The following AKAP6 variants were observed in gnomAD, a reference collection of about 807,000 sequenced individuals.
AKAP6 encodes A-kinase anchoring protein 6.
In AKAP6, 58 loss-of-function variants were observed where a neutral mutation model predicts 188.5. The observed-to-expected ratio is 0.31, with a 90% CI of 0.25 to 0.38. The LOEUF is 0.38. Ranked by LOEUF, AKAP6 falls within the 10% of genes least tolerant of loss-of-function variation. The pLI, the probability that AKAP6 is intolerant of heterozygous loss-of-function variation, is 1.00. For synonymous variants in AKAP6, 989 were observed against 998.6 expected, an observed-to-expected ratio of 0.99 and a Z score of 0.18; for missense variants, 2,710 against 2,740.0, an observed-to-expected ratio of 0.99 and a Z score of 0.24.
At chr14:32,738,770 C>T (rs2031547948) in intron 11 of AKAP6, among the ~76,000 whole-genome samples, 2 of 152,068 alleles carry the variant, frequency 1.3e-5, no homozygotes, top group African/African-American at 4.8e-5. Flanking sequence ...TACTTTAAAT[C>T]AGGGGTTGAC....
At chr14:32,334,514 G>A (rs974062880) in intron 1 of AKAP6, among the ~76,000 whole-genome samples, 1 of 152,094 alleles carries the variant, frequency 6.6e-6, no homozygotes, top group Non-Finnish European at 1.5e-5. Flanking sequence ...CTGGCATATT[G>A]TTACAATTGT....
At chr14:32,377,676 T>G (rs1385414625) in intron 1 of AKAP6, among the ~76,000 whole-genome samples, 1 of 152,174 alleles carries the variant, frequency 6.6e-6, no homozygotes, top group African/African-American at 2.4e-5. Context: ...CAAGTTTCAT[T>G]TGACTATTTG....
chr14:32,380,566 C>G (rs775416241), intron 1 of AKAP6, among the ~76,000 whole-genome samples: 2 of 152,222 alleles, frequency 1.3e-5, no homozygotes, highest in African/African-American at 4.8e-5. Flanking sequence ...GTCGGTGGTT[C>G]AGACATTAGT....
intron 12 of AKAP6, among the ~76,000 whole-genome samples, chr14:32,811,602 C>G (rs986662224): frequency 6.6e-6 from 1 of 152,138 alleles, no homozygotes; most frequent in Non-Finnish European, 1.5e-5. Context: ...ACTGAGCCCT[C>G]TCACGTATGG....
intron 12 of AKAP6, among the ~76,000 whole-genome samples, chr14:32,795,386 A>G (rs2033735655): frequency 1.3e-5 from 2 of 152,206 alleles, no homozygotes; most frequent in East Asian, 1.9e-4. Flanking sequence ...AAAATCCTCA[A>G]TAAACTACTG....
At chr14:32,352,060 CTT>C (rs1887290817) in intron 1 of AKAP6, among the ~76,000 whole-genome samples, 1 of 145,818 alleles carries the variant, frequency 6.9e-6, no homozygotes, top group Non-Finnish European at 1.5e-5. Flanking sequence ...TTTGTGTAGT[CTT>C]GGGAGACCCT....
intron 1 of AKAP6, among the ~76,000 whole-genome samples, chr14:32,342,809 A>G (rs1333843308): frequency 6.6e-6 from 1 of 152,150 alleles, no homozygotes; most frequent in Admixed American, 6.5e-5. Flanking sequence ...GTCTGATCGG[A>G]GAATTCTCCA....
chr14:32,396,965 A>G (rs543674813), intron 1 of AKAP6, among the ~76,000 whole-genome samples: 64 of 152,284 alleles, frequency 4.2e-4, no homozygotes, highest in African/African-American at 1.5e-3. Flanking sequence ...ACACTTCTCT[A>G]ATGTTGAATA....
At chr14:32,581,614 A>G (rs1219017830) in intron 5 of AKAP6, among the ~76,000 whole-genome samples, 1 of 151,998 alleles carries the variant, frequency 6.6e-6, no homozygotes, top group Non-Finnish European at 1.5e-5. Context: ...TCCCATTATT[A>G]TTGTGTGGGA....
chr14:32,655,788 A>G (rs911054200), intron 7 of AKAP6, among the ~76,000 whole-genome samples: 11 of 152,168 alleles, frequency 7.2e-5, no homozygotes, highest in African/African-American at 2.7e-4. Flanking sequence ...AATGAGAGAT[A>G]AAATTTTAAA....
chr14:32,537,366 T>C (rs1042365209), intron 3 of AKAP6, among the ~76,000 whole-genome samples: 22 of 152,174 alleles, frequency 1.4e-4, no homozygotes, highest in African/African-American at 5.3e-4. Flanking sequence ...GTTAGATCCC[T>C]AGAGGGTTCT....
chr14:32,765,070 G>A (rs1301165184), intron 11 of AKAP6, among the ~76,000 whole-genome samples: 1 of 151,726 alleles, frequency 6.6e-6, no homozygotes, highest in Non-Finnish European at 1.5e-5. Flanking sequence ...GAGTAGCTGG[G>A]ATTACAGGTA....
intron 12 of AKAP6, among the ~76,000 whole-genome samples, chr14:32,808,675 T>G (rs2034149269): frequency 6.6e-6 from 1 of 152,172 alleles, no homozygotes; most frequent in South Asian, 2.1e-4. Context: ...CAAAAGCAAT[T>G]CTTCCGTTTT....
chr14:32,707,412 G>T (rs1890853810), intron 9 of AKAP6, among the ~76,000 whole-genome samples: 1 of 152,002 alleles, frequency 6.6e-6, no homozygotes, highest in South Asian at 2.1e-4. Flanking sequence ...GTACTCAAAA[G>T]TGCCTCCCTG....
intron 1 of AKAP6, among the ~76,000 whole-genome samples, chr14:32,413,124 A>T (rs1003568706): frequency 4.0e-5 from 6 of 151,626 alleles, no homozygotes; most frequent in Non-Finnish European, 8.8e-5. Flanking sequence ...TAAGAATAGC[A>T]TCAGAAAGGT....
intron 12 of AKAP6, among the ~76,000 whole-genome samples, chr14:32,805,257 G>A (rs148440013): frequency 4.6e-5 from 7 of 152,186 alleles, no homozygotes; most frequent in Middle Eastern, 3.4e-3. Flanking sequence ...CTGACTTCCC[G>A]CAACATTGAA....
At chr14:32,784,126 A>G (rs1009273193) in intron 12 of AKAP6, among the ~76,000 whole-genome samples, 1 of 152,194 alleles carries the variant, frequency 6.6e-6, no homozygotes. Context: ...AACTTTAAGA[A>G]AAAGGCGTAA....
intron 7 of AKAP6, among the ~76,000 whole-genome samples, chr14:32,617,483 G>T (rs1886627317): frequency 6.6e-6 from 1 of 152,098 alleles, no homozygotes; most frequent in African/African-American, 2.4e-5. Flanking sequence ...TTAAGGTGGG[G>T]AACCATTTCC....
chr14:32,661,533 A>G lies in AKAP6; in HGVS notation c.2731-16778A>G, dbSNP rs1445773925. Among the ~76,000 whole-genome samples the G allele has an allele frequency of 2.6e-5, 4 of 152,154 alleles. No individual in the cohort carries two copies. The East Asian group carries it at 7.7e-4, about 29-fold the overall frequency. ...AGAGTTTCGATTAAGTCCAAGACTC[A>G]TAAGACAAGTACATTGGGCCTTGCA... is the stretch of plus-strand genomic sequence containing the variant. On this transcript the variant is annotated intron_variant, in intron 7 of 13. Transcript: ENST00000280979.
Sources: gnomAD v4.1 joint callset for allele counts (sites outside exome capture counted in the v4.1 genomes callset) on GRCh38, gnomAD v4.1.1 for gene constraint, MANE v1.5 for transcripts, NCBI Gene and HGNC (gene_info 2026-07-23, HGNC 2026-07-21) for gene names.